Variants in GFRA3 observed in about 807,000 individuals in gnomAD.
GFRA3 encodes the protein GDNF family receptor alpha 3.
Under a neutral mutation model 40.0 loss-of-function variants are expected in GFRA3, and 24 were observed. The observed-to-expected ratio is 0.60, with a 90% confidence interval of 0.43 to 0.84. The LOEUF (loss-of-function observed/expected upper bound fraction) is 0.84, where lower values mean the gene tolerates loss of function less well. GFRA3 is among the 40% of genes least tolerant of loss of function. GFRA3 has a pLI of 0.00. For synonymous variants in GFRA3, 203 were observed against 213.5 expected (o/e 0.95, Z 0.43); for missense variants, 405 against 530.6 (o/e 0.76, Z 2.33).
intron 1 of GFRA3, among the ~76,000 whole-genome samples, chr5:138,271,537 T>C (rs1039623998): frequency 6.6e-6 from 1 of 152,132 alleles, no homozygotes; most frequent in African/African-American, 2.4e-5. Flanking sequence ...GTGTCTTTTT[T>C]AGTCAGCATA....
chr5:138,257,293 A>G (rs1298921362), intron 4 of GFRA3, among the ~76,000 whole-genome samples: 1 of 152,212 alleles, frequency 6.6e-6, no homozygotes, highest in Non-Finnish European at 1.5e-5. Context: ...GAAAAAAAGT[A>G]AGACACAAAT....
chr5:138,258,166 C>CCT, intron 3 of GFRA3, among the ~76,000 whole-genome samples: 1 of 51,650 alleles, frequency 1.9e-5, no homozygotes, highest in African/African-American at 9.1e-5. Context: ...CCCTACTCCT[C>CCT]TTTTTTTTTT....
intron 6 of GFRA3, 113 bp downstream of exon 6, chr5:138,253,651 GCT>G: frequency 1.1e-6 from 1 of 950,806 alleles, no homozygotes; most frequent in Non-Finnish European, 1.6e-6. Flanking sequence ...GCTAGGAACT[GCT>G]CTGTTTGGTG....
intron 2 of GFRA3, among the ~76,000 whole-genome samples, chr5:138,263,506 A>T (rs1755739795): frequency 6.6e-6 from 1 of 152,166 alleles, no homozygotes; most frequent in Non-Finnish European, 1.5e-5. Flanking sequence ...TAGCCATGTG[A>T]CTTGCTCTCT....
intron 4 of GFRA3, 53 bp from the exon 5 acceptor site, chr5:138,254,213 T>G: frequency 1.4e-4 from 122 of 892,910 alleles, no homozygotes; most frequent in Middle Eastern, 2.3e-4. Flanking sequence ...TGAGATGATG[T>G]CTCACTCTCT....
chr5:138,253,615 C>T (rs1316461936), intron 6 of GFRA3, 151 bp downstream of exon 6: 5 of 764,778 alleles, frequency 6.5e-6, no homozygotes, highest in Non-Finnish European at 1.1e-5. Flanking sequence ...AGAAGAAAGG[C>T]CTGGGCTATG....
In GFRA3 at chr5:138,257,686, G is replaced by T. The variant is rs555478862; in HGVS notation, c.738C>A (p.Pro246=). The T allele has an allele frequency of 2.3e-5, 37 of 1,609,804 alleles. No individual in the cohort carries two copies. The African/African-American group carries it at 2.5e-4, about 11-fold the overall frequency. Residue 246 remains proline, a synonymous_variant, in exon 4 of 8, where the codon CCC becomes CCA. Coordinates refer to ENST00000274721, the MANE Select transcript of GFRA3 (RefSeq NM_001496.4). The stretch of plus-strand genomic sequence containing the variant: ...AGAGGCGCCGCAGCTCCAGGCAGTT[G>T]GGGGCCACAGGCGGCAGCGCGCAGT... ...APNCALPPVA[P]NCLELRRLCF...
At chr5:138,262,857 T>C (rs1755731390) in intron 2 of GFRA3, among the ~76,000 whole-genome samples, 1 of 152,160 alleles carries the variant, frequency 6.6e-6, no homozygotes, top group African/African-American at 2.4e-5. Context: ...GTCTTTTTAG[T>C]TCATAAGTTT....
At chr5:138,256,970 A>T (rs1401084181) in intron 4 of GFRA3, among the ~76,000 whole-genome samples, 4 of 151,092 alleles carry the variant, frequency 2.6e-5, no homozygotes, top group Non-Finnish European at 4.4e-5. Context: ...AAAGTTCTTA[A>T]AGGACAGTAA....
intron 7 of GFRA3, 27 bp from the exon 8 acceptor site, chr5:138,253,084 C>A (rs771074087): frequency 3.8e-6 from 5 of 1,323,400 alleles, no homozygotes; most frequent in Non-Finnish European, 5.4e-6. Context: ...ATGGAGTTAG[C>A]TCAGGGGATT....
In GFRA3 at chr5:138,252,887, C is replaced by T; in HGVS notation, c.*81G>A. The T allele has an allele frequency of 1.3e-6, 1 of 774,152 alleles. No homozygotes were observed. Among genetic ancestry groups the T allele is most frequent in the Non-Finnish European group, 2.3e-6 (1 of 438,558 alleles). 48.0% of individuals were successfully genotyped at this position (774,152 alleles called of 1,614,324 possible). ...ATCTGCGCACTGCACCTCCTTCCTG[C>T]TGCTGTCCTTTCCTCACCCCTTGTG... On this transcript the variant is annotated 3_prime_UTR_variant, in exon 8 of 8. Coordinates refer to ENST00000274721, the MANE Select transcript of GFRA3 (RefSeq NM_001496.4).
chr5:138,257,598 G>C, intron 4 of GFRA3, 41 bp downstream of exon 4: 1 of 1,543,088 alleles, frequency 6.5e-7, no homozygotes, highest in East Asian at 2.3e-5. Context: ...GGAGTGGCGT[G>C]TGCCTCATCC....
intron 1 of GFRA3, among the ~76,000 whole-genome samples, chr5:138,270,792 GA>G (rs903224200): frequency 5.3e-5 from 8 of 149,848 alleles, no homozygotes; most frequent in African/African-American, 1.2e-4. Flanking sequence ...TGTACAAGAT[GA>G]AAAAAAAAGC....
chr5:138,258,249 C>T (rs939976960), intron 3 of GFRA3, among the ~76,000 whole-genome samples: 1 of 131,960 alleles, frequency 7.6e-6, no homozygotes, highest in Non-Finnish European at 1.5e-5. Context: ...GGCGTGATCT[C>T]GGCTCACTGC....
intron 5 of GFRA3, 43 bp downstream of exon 5, chr5:138,254,014 G>A (rs896759350): frequency 2.6e-6 from 4 of 1,556,790 alleles, no homozygotes; most frequent in Non-Finnish European, 3.5e-6. Flanking sequence ...TTACCCTCAG[G>A]CCTAGCCAAC....
rs142055754 is a variant in GFRA3 at position 138,264,669 on chromosome 5, C to A, written c.92-121G>T. 1.3e-3 allele frequency: 814 copies of A among 647,140 alleles called. 3 individuals are homozygous for A. In the African/African-American group the frequency reaches 0.014, roughly 11 times the overall value. The allele number at this position is 647,140 out of a possible 1,614,324, so 40.1% of individuals were successfully genotyped here. A position where few individuals can be genotyped will look rare whatever the true frequency, so the allele number is the denominator to read the frequency against. ...ACTTTGTGAAAGTCTTAGGGTAGCA[C>A]AAAAGGCCTTTAAGAATAAGTGTGG... On this transcript the variant is annotated intron_variant, in intron 1 of 7. Transcript: ENST00000274721.
intron 1 of GFRA3, among the ~76,000 whole-genome samples, chr5:138,269,784 A>G (rs960061484): frequency 6.7e-6 from 1 of 149,606 alleles, no homozygotes; most frequent in African/African-American, 2.5e-5. Flanking sequence ...CGGAGGTTGC[A>G]GTGAGCCGAG....
intron 1 of GFRA3, among the ~76,000 whole-genome samples, chr5:138,269,943 A>G (rs1331394553): frequency 1.3e-5 from 2 of 152,090 alleles, no homozygotes; most frequent in Non-Finnish European, 2.9e-5. Flanking sequence ...CCAAAAAGAT[A>G]CTTGCACACT....
chr5:138,271,056 G>A (rs1220989775), intron 1 of GFRA3, among the ~76,000 whole-genome samples: 19 of 151,572 alleles, frequency 1.3e-4, no homozygotes, highest in East Asian at 2.0e-4. Flanking sequence ...GCAGTGGCGC[G>A]ATCTCGGCTC....
Sources: allele counts gnomAD v4.1 joint callset (sites outside exome capture counted in the v4.1 genomes callset), GRCh38; gene constraint gnomAD v4.1.1; transcripts MANE v1.5; gene names NCBI Gene and HGNC (gene_info 2026-07-23, HGNC 2026-07-21).